Variants in BCAS3 observed in about 807,000 individuals in gnomAD.
The protein encoded by BCAS3 is BCAS4/BCAS3 fusion.
In BCAS3, 53 loss-of-function variants were observed where a neutral mutation model predicts 116.1. That is an observed-to-expected ratio of 0.46 (90% CI 0.37 to 0.57). BCAS3 has a LOEUF of 0.57. BCAS3 is among the 20% of genes least tolerant of loss of function. BCAS3 has a pLI of 0.00. For missense variants in BCAS3, 917 were observed against 1,165.4 expected, an observed-to-expected ratio of 0.79 and a Z score of 3.10; for synonymous variants, 391 against 408.2, an observed-to-expected ratio of 0.96 and a Z score of 0.51.
At chr17:61,125,585 C>T (rs1221305328) in intron 22 of BCAS3, among the ~76,000 whole-genome samples, 2 of 151,944 alleles carry the variant, frequency 1.3e-5, no homozygotes, top group Admixed American at 6.6e-5. Context: ...GTGTAATTAT[C>T]AATAATCTAT....
intron 22 of BCAS3, among the ~76,000 whole-genome samples, chr17:61,270,644 A>G (rs184993855): frequency 1.3e-5 from 2 of 152,102 alleles, no homozygotes; most frequent in Admixed American, 6.5e-5. Context: ...TTTTGTTATC[A>G]TATGTTACAA....
At chr17:60,813,701 A>G (rs756891730) in intron 7 of BCAS3, among the ~76,000 whole-genome samples, 13 of 152,062 alleles carry the variant, frequency 8.5e-5, no homozygotes, top group African/African-American at 1.4e-4. Flanking sequence ...TTTTGTTGCA[A>G]TTGCTTTTGA....
intron 22 of BCAS3, among the ~76,000 whole-genome samples, chr17:61,221,092 C>G (rs1468912668): frequency 6.6e-6 from 1 of 152,170 alleles, no homozygotes; most frequent in South Asian, 2.1e-4. Flanking sequence ...GAGTGAGACT[C>G]CGTCTCAAAA....
chr17:60,836,454 C>T (rs1474919267), intron 7 of BCAS3, among the ~76,000 whole-genome samples: 4 of 151,966 alleles, frequency 2.6e-5, no homozygotes, highest in South Asian at 2.1e-4. Flanking sequence ...CTTGTAAGTC[C>T]GAAAAATGTA....
At chr17:61,147,753 G>A (rs916712239) in intron 22 of BCAS3, among the ~76,000 whole-genome samples, 12 of 152,094 alleles carry the variant, frequency 7.9e-5, no homozygotes, top group African/African-American at 2.7e-4. Context: ...TCGGGAGGCC[G>A]AGGTGGGCGG....
chr17:60,958,266 TA>T (rs1173786914), intron 14 of BCAS3, among the ~76,000 whole-genome samples: 1 of 152,194 alleles, frequency 6.6e-6, no homozygotes, highest in Non-Finnish European at 1.5e-5. Flanking sequence ...AAGAAAGAAC[TA>T]CCGTCAGATC....
Position 61,015,764 on chromosome 17 carries a change from C to T in BCAS3, c.1500C>T (p.Ser500=), listed in dbSNP as rs1342727356. The T allele has an allele frequency of 1.9e-6, 3 of 1,613,784 alleles. No homozygotes were observed. Among genetic ancestry groups the T allele is most frequent in the Non-Finnish European group, 2.5e-6 (3 of 1,179,914 alleles). ...TTCTCTTTGTAGGGAAACTGAACAG[C>T]CAAGACTCCTATAACAATTTTACCA... ...SGSPLHGKLN[S]QDSYNNFTNN... The change falls in exon 16 of 24, where the codon AGC becomes AGT. Residue 500 remains serine (S), a synonymous_variant. Coordinates refer to ENST00000407086, the MANE Select transcript of BCAS3 (RefSeq NM_017679.5).
Position 61,124,575 on chromosome 17 carries a change from T to C in BCAS3, c.2425+40011T>C. 6.6e-6 allele frequency among the ~76,000 whole-genome samples: 1 copy of C among 152,190 alleles called. No individual in the cohort carries two copies. The highest frequency in any genetic ancestry group is 1.9e-4 in the East Asian group (1 of 5,202). ...ACCCTGTTATTGTTTAGGGGAAAAA[T>C]GTGGAAGCATTTCTTGATATTTTTT... On this transcript the variant is annotated intron_variant, in intron 22 of 23. Coordinates refer to ENST00000407086, the MANE Select transcript of BCAS3 (RefSeq NM_017679.5). This position sits in a 1 kb window ranked among gnomAD's most constrained non-coding sequence, Gnocchi z 4.6.
chr17:60,781,608 T>C (rs1393190974), intron 6 of BCAS3, among the ~76,000 whole-genome samples: 1 of 152,000 alleles, frequency 6.6e-6, no homozygotes, highest in East Asian at 1.9e-4. Flanking sequence ...TTCTTCTCCT[T>C]CTTGTTTTTC....
At chr17:61,045,885 TATATATATA>T (rs1158444432) in intron 19 of BCAS3, among the ~76,000 whole-genome samples, 447 of 38,476 alleles carry the variant, frequency 0.012, 22 homozygotes, top group Non-Finnish European at 0.013. Flanking sequence ...AAATATATAT[TATATATATA>T]ATATATATAA....
intron 22 of BCAS3, among the ~76,000 whole-genome samples, chr17:61,329,854 G>A (rs1602730004): frequency 6.6e-6 from 1 of 152,106 alleles, no homozygotes; most frequent in Admixed American, 6.6e-5. Flanking sequence ...GCAAGACGCC[G>A]CTTACCTGCT....
chr17:61,349,550 C>T lies in BCAS3; in HGVS notation c.2426-18777C>T, dbSNP rs1005918701. Among the ~76,000 whole-genome samples, 1 of 152,202 alleles carries T rather than the reference C, an allele frequency of 6.6e-6. No individual in the cohort carries two copies. Among genetic ancestry groups the T allele is most frequent in the Non-Finnish European group, 1.5e-5 (1 of 68,050 alleles). On this transcript the variant is annotated intron_variant, in intron 22 of 23. Transcript: ENST00000407086. The surrounding 1 kb of genome is among the most constrained non-coding windows in gnomAD (Gnocchi z 4.7). ...TTTAGACCAGAGCCCCTCACTGCCC[C>T]CTGGTGTAGACAGTCTGATTGCCTA...
chr17:61,140,695 T>C lies in BCAS3; in HGVS notation c.2425+56131T>C, dbSNP rs1394792298. Among the ~76,000 whole-genome samples the C allele has an allele frequency of 2.0e-4, 30 of 152,154 alleles. No homozygotes were observed. The highest frequency in any genetic ancestry group is 2.9e-5 in the Non-Finnish European group (2 of 68,028). On this transcript the variant is annotated intron_variant, in intron 22 of 23. Transcript: ENST00000407086. This position sits in a 1 kb window ranked among gnomAD's most constrained non-coding sequence, Gnocchi z 4.2. ...GAGAAAACTCTCTTTGTAAAGTCAA[T>C]TAAAAGCTAATTGTTTGTGATTTTT... is the stretch of plus-strand genomic sequence containing the variant.
intron 13 of BCAS3, among the ~76,000 whole-genome samples, chr17:60,929,734 AAC>A (rs1480949703): frequency 1.2e-5 from 1 of 86,674 alleles, no homozygotes; most frequent in Non-Finnish European, 2.1e-5. Flanking sequence ...CCCACCCCAC[AAC>A]AGTCCCCAGA....
rs1487764036 is a variant in BCAS3 at position 61,282,440 on chromosome 17, A to G, written c.2426-85887A>G. Reference sequence around the variant, plus strand: ...GATGGTTGGAAAAAGTGGGCAGGACATTTGCATAATATTCCAGGACAGAGA... The same window carrying G: ...GATGGTTGGAAAAAGTGGGCAGGACGTTTGCATAATATTCCAGGACAGAGA... On this transcript the variant is annotated intron_variant, in intron 22 of 23. Transcript: ENST00000407086. This position sits in a 1 kb window ranked among gnomAD's most constrained non-coding sequence, Gnocchi z 5.9. Among the ~76,000 whole-genome samples, 1 of 152,204 alleles carries G rather than the reference A, an allele frequency of 6.6e-6. No individual in the cohort carries two copies. Among genetic ancestry groups the G allele is most frequent in the Non-Finnish European group, 1.5e-5 (1 of 68,036 alleles).
rs1040341312 is a variant in BCAS3 at position 60,677,882 on chromosome 17, G to A, written c.-38G>A. On this transcript the variant is annotated 5_prime_UTR_variant, in exon 1 of 24. Coordinates refer to ENST00000407086, the MANE Select transcript of BCAS3 (RefSeq NM_017679.5). ...GGAGACTCCAAACAGTGAGCCTAGA[G>A]CTGGAGACTAGCGTTAACCGGCGGG... is the stretch of plus-strand genomic sequence containing the variant. 5.2e-5 allele frequency: 8 copies of A among 153,622 alleles called. No individual in the cohort carries two copies. Among genetic ancestry groups the A allele is most frequent in the Admixed American group, 6.5e-5 (1 of 15,290 alleles). The allele number at this position is 153,622 out of a possible 1,614,324, so 9.5% of individuals were successfully genotyped here. A position where few individuals can be genotyped will look rare whatever the true frequency, so the allele number is the denominator to read the frequency against.
chr17:61,061,246 T>G (rs2069997623), intron 19 of BCAS3, among the ~76,000 whole-genome samples: 1 of 152,226 alleles, frequency 6.6e-6, no homozygotes, highest in Non-Finnish European at 1.5e-5. Context: ...AAAATCTGTA[T>G]GTAATTCTTC....
At chr17:60,795,947 C>T (rs911407220) in intron 6 of BCAS3, among the ~76,000 whole-genome samples, 1 of 152,178 alleles carries the variant, frequency 6.6e-6, no homozygotes, top group Non-Finnish European at 1.5e-5. Flanking sequence ...ACCTCGGCCT[C>T]CCAAAGTGTT....
At position 61,128,318 on chromosome 17, in the gene BCAS3, T is replaced by A; in HGVS notation, c.2425+43754T>A. ...GCTGAGATGCAGAGGAGAGACTTAG[T>A]GAAATATGCAGAGCTCCATTCCAGT... is the stretch of plus-strand genomic sequence containing the variant. On this transcript the variant is annotated intron_variant, in intron 22 of 23. Transcript: ENST00000407086. This position sits in a 1 kb window ranked among gnomAD's most constrained non-coding sequence, Gnocchi z 4.1. 2 of 985,422 alleles carry A rather than the reference T, an allele frequency of 2.0e-6. No individual in the cohort carries two copies. The highest frequency in any genetic ancestry group is 2.4e-6 in the Non-Finnish European group (2 of 829,920). The allele number at this position is 985,422 out of a possible 1,614,324, so 61.0% of individuals were successfully genotyped here.
Sources: allele counts gnomAD v4.1 joint callset (sites outside exome capture counted in the v4.1 genomes callset), GRCh38; gene constraint gnomAD v4.1.1; non-coding constraint Gnocchi (gnomAD v3.1); transcripts MANE v1.5; gene names NCBI Gene and HGNC (gene_info 2026-07-23, HGNC 2026-07-21).